TLN2: variants seen among roughly 807,000 people sequenced by gnomAD.
The protein encoded by TLN2 is talin 2.
In TLN2, 118 loss-of-function variants were observed where a neutral mutation model predicts 294.7. That is an observed-to-expected ratio of 0.40 (90% CI 0.34 to 0.47). The LOEUF is 0.47. Ranked by LOEUF, TLN2 falls within the 20% of genes least tolerant of loss-of-function variation. The probability of loss-of-function intolerance (pLI) is 0.84; values close to 1 mark genes in which losing one functional copy is unlikely to be tolerated. For synonymous variants in TLN2, 1,431 were observed against 1,304.5 expected, an observed-to-expected ratio of 1.10 and a Z score of -2.09; for missense variants, 3,083 against 3,282.2, an observed-to-expected ratio of 0.94 and a Z score of 1.48.
At position 62,707,227 on chromosome 15, in the gene TLN2, A is replaced by G; in HGVS notation, c.2146A>G (p.Thr716Ala). ...TGCTGCCACCCAGTGTGCCCTCTCC[A>G]CCTCCCAGCTTGTGGCATGTGCCAA... ...IAAATQCALS[T>A]SQLVACAKVV... Residue 716 changes from threonine to alanine, a missense_variant, in exon 20 of 59, where the codon ACC becomes GCC. By Grantham distance (58) the Thr-to-Ala change is moderately conservative. Transcript: ENST00000636159. 1.2e-6 allele frequency: 2 copies of G among 1,612,192 alleles called. No homozygotes were observed. Among genetic ancestry groups the G allele is most frequent in the Non-Finnish European group, 8.5e-7 (1 of 1,178,888 alleles).
rs141976810 is a variant in TLN2, at chr15:62,583,928, A to T, written c.-237-5759A>T. On this transcript the variant is annotated intron_variant, in intron 1 of 58. Coordinates refer to ENST00000636159, the MANE Select transcript of TLN2 (RefSeq NM_015059.3). ...TTTTGGTTGTGAAAAGCTCATAAAGACAGTGTGAATTAAAGCAGTGCAATG... is the reference window on the plus strand; with the variant it reads ...TTTTGGTTGTGAAAAGCTCATAAAGTCAGTGTGAATTAAAGCAGTGCAATG... Among the ~76,000 whole-genome samples the T allele has an allele frequency of 6.2e-3, 944 of 152,314 alleles. 21 individuals are homozygous for T. The highest frequency in any genetic ancestry group is 0.022 in the African/African-American group (917 of 41,566).
chr15:62,509,489 T>C (rs1343750119), intron 1 of TLN2, among the ~76,000 whole-genome samples: 1 of 152,210 alleles, frequency 6.6e-6, no homozygotes, highest in Non-Finnish European at 1.5e-5. Flanking sequence ...CAAGGTGTCT[T>C]CTAGCAGAAT....
chr15:62,782,651 G>A (rs559452641), intron 44 of TLN2, among the ~76,000 whole-genome samples: 7 of 152,200 alleles, frequency 4.6e-5, no homozygotes, highest in African/African-American at 1.7e-4. Flanking sequence ...TTGGCAGGTC[G>A]CAGTGGAGCA....
At chr15:62,460,045 G>A (rs551044954) in intron 1 of TLN2, among the ~76,000 whole-genome samples, 2 of 152,232 alleles carry the variant, frequency 1.3e-5, no homozygotes, top group South Asian at 2.1e-4. Context: ...GCAGAGTTGC[G>A]GCTTCAGATG....
intron 9 of TLN2, among the ~76,000 whole-genome samples, chr15:62,667,579 C>T (rs925664000): frequency 6.6e-6 from 1 of 152,160 alleles, no homozygotes; most frequent in Non-Finnish European, 1.5e-5. Flanking sequence ...TTCGTATGAG[C>T]GATAACACTC....
intron 3 of TLN2, among the ~76,000 whole-genome samples, chr15:62,625,168 C>G (rs2049169633): frequency 6.6e-6 from 1 of 152,118 alleles, no homozygotes; most frequent in Non-Finnish European, 1.5e-5. Flanking sequence ...CCACACAGAA[C>G]TGTGGGGCTT....
chr15:62,780,213 C>T (rs777469275), intron 43 of TLN2, among the ~76,000 whole-genome samples: 9 of 152,214 alleles, frequency 5.9e-5, no homozygotes, highest in South Asian at 2.1e-4. Context: ...TTTGTCTCTT[C>T]GCCTGGAATA....
chr15:62,751,582 GTC>G (rs2061941139), intron 34 of TLN2, among the ~76,000 whole-genome samples: 2 of 152,184 alleles, frequency 1.3e-5, no homozygotes, highest in Admixed American at 6.5e-5. Context: ...CAATACCACA[GTC>G]TCTCCACAGG....
Position 62,842,015 on chromosome 15 carries a change from T to C in TLN2, c.*1405T>C, listed in dbSNP as rs2070760883. On this transcript the variant is annotated 3_prime_UTR_variant, in exon 59 of 59. Coordinates refer to ENST00000636159, the MANE Select transcript of TLN2 (RefSeq NM_015059.3). The stretch of plus-strand genomic sequence containing the variant: ...GTGTGCTATCATGTCTTGGACTCCA[T>C]CCACACTATAGTTTCAAAGTTCCAC... 6.6e-6 allele frequency: 1 copy of C among 152,052 alleles called. No individual in the cohort carries two copies. Among genetic ancestry groups the C allele is most frequent in the South Asian group, 2.1e-4 (1 of 4,806 alleles). 9.4% of individuals were successfully genotyped at this position (152,052 alleles called of 1,614,324 possible).
intron 1 of TLN2, among the ~76,000 whole-genome samples, chr15:62,396,745 G>T (rs549518988): frequency 6.6e-6 from 1 of 151,790 alleles, no homozygotes; most frequent in African/African-American, 2.4e-5. Context: ...TTTAGACAGG[G>T]TCTAGCTGGA....
rs116474698 is a variant in TLN2 at position 62,711,930 on chromosome 15, G to C, written c.2487G>C (p.Ala829=). 6.2e-7 allele frequency: 1 copy of C among 1,608,816 alleles called. No homozygotes were observed. The highest frequency in any genetic ancestry group is 8.5e-7 in the Non-Finnish European group (1 of 1,175,682). ...MGDAGEMVRQ[A]RVLAQATSDL... ...TTCTAGGTGAAATGGTGCGCCAGGC[G>C]CGGGTTCTGGCCCAAGCCACATCAG... Residue 829 remains alanine (A), a synonymous_variant, in exon 22 of 59, where the codon GCG becomes GCC. Transcript: ENST00000636159.
intron 12 of TLN2, among the ~76,000 whole-genome samples, chr15:62,689,846 CTTTTTTTTTTTTTTT>C (rs1158144919): frequency 7.1e-4 from 11 of 15,416 alleles, no homozygotes; most frequent in Admixed American, 1.6e-3. Context: ...GTATGGGCTT[CTTTTTTTTTTTTTTT>C]TTTTTTTTTT....
At chr15:62,751,648 C>G (rs144242507) in intron 34 of TLN2, among the ~76,000 whole-genome samples, 3 of 152,188 alleles carry the variant, frequency 2.0e-5, no homozygotes, top group Non-Finnish European at 4.4e-5. Context: ...GACCAGCCCT[C>G]CTGGGGCATA....
chr15:62,746,289 A>G (rs16945622), intron 32 of TLN2, among the ~76,000 whole-genome samples: 2,646 of 152,270 alleles, frequency 0.017, 26 homozygotes, highest in Non-Finnish European at 0.024. Flanking sequence ...GGCCACCACC[A>G]TGTAGAACAG....
chr15:62,819,241 A>G (rs1302307680), intron 52 of TLN2, among the ~76,000 whole-genome samples: 4 of 152,216 alleles, frequency 2.6e-5, no homozygotes, highest in Non-Finnish European at 5.9e-5. Flanking sequence ...AGGTCCAAAT[A>G]GAAAACAAGG....
chr15:62,694,940 A>G (rs1334924424), intron 14 of TLN2, among the ~76,000 whole-genome samples: 1 of 152,240 alleles, frequency 6.6e-6, no homozygotes, highest in African/African-American at 2.4e-5. Context: ...CTCTTCTGGC[A>G]TGAGCTTATC....
chr15:62,701,855 T>A, intron 17 of TLN2, 137 bp from the exon 18 acceptor site: 5 of 966,816 alleles, frequency 5.2e-6, no homozygotes, highest in Non-Finnish European at 7.6e-6. Context: ...GCAGGCCAGC[T>A]CACTGTGCTC....
At position 62,626,697 on chromosome 15, in the gene TLN2, G is replaced by A. The variant is rs114522892; in HGVS notation, c.-37+8222G>A. Among the ~76,000 whole-genome samples the A allele has an allele frequency of 2.2e-3, 339 of 152,274 alleles. 1 individual carries two copies. Among genetic ancestry groups the A allele is most frequent in the African/African-American group, 8.0e-3 (331 of 41,566 alleles). ...ACCATTTAGTTCACAAAGGAGGAAC[G>A]TGAGACTCAGAGATGATAAATGCCT... On this transcript the variant is annotated intron_variant, in intron 3 of 58. Transcript: ENST00000636159.
chr15:62,487,230 C>T (rs527370720), intron 1 of TLN2, among the ~76,000 whole-genome samples: 7 of 152,216 alleles, frequency 4.6e-5, no homozygotes, highest in African/African-American at 7.2e-5. Context: ...GGGTTGATTC[C>T]GTGTGGTCAA....
Sources: gnomAD v4.1 joint callset for allele counts (sites outside exome capture counted in the v4.1 genomes callset) on GRCh38, gnomAD v4.1.1 for gene constraint, MANE v1.5 for transcripts, NCBI Gene and HGNC (gene_info 2026-07-23, HGNC 2026-07-21) for gene names.